The following GSTT4 variants were observed in gnomAD, a reference collection of about 807,000 sequenced individuals.
The protein encoded by GSTT4 is glutathione S-transferase theta-4.
the GSTT4 span, among the ~76,000 whole-genome samples, chr22:23,990,408 A>C: frequency 1.1e-5 from 1 of 89,246 alleles, no homozygotes; most frequent in Non-Finnish European, 2.5e-5. Flanking sequence ...TCAGGAGCTC[A>C]AGGTCAGCCT....
intron 2 of GSTT4, among the ~76,000 whole-genome samples, chr22:24,002,123 GAC>G (rs2146231629): frequency 6.6e-6 from 1 of 152,412 alleles, no homozygotes. Flanking sequence ...GGCAGCCAGA[GAC>G]ACTGTGGAGT....
downstream of GSTT4, among the ~76,000 whole-genome samples, chr22:23,994,062 A>G (rs1453372717): frequency 1.3e-5 from 2 of 152,216 alleles, no homozygotes; most frequent in Non-Finnish European, 2.9e-5. Flanking sequence ...GTCTTACTCC[A>G]AGATGGCCAA....
the GSTT4 span, among the ~76,000 whole-genome samples, chr22:23,992,052 C>CAAAAAA: frequency 2.2e-4 from 16 of 71,198 alleles, 1 homozygote; most frequent in Admixed American, 3.7e-4. Context: ...TACTCCGTCT[C>CAAAAAA]AAAAAAAAAA....
intron 4 of GSTT4, 119 bp from the exon 5 acceptor site, chr22:23,998,858 A>AC (rs2034164587): frequency 6.5e-6 from 1 of 153,290 alleles, no homozygotes; most frequent in African/African-American, 2.4e-5. Flanking sequence ...TAGGCTGCTG[A>AC]CCCCCAAGGC....
At chr22:23,992,795 A>G in the GSTT4 span, among the ~76,000 whole-genome samples, 1 of 103,920 alleles carries the variant, frequency 9.6e-6, no homozygotes, top group Non-Finnish European at 2.0e-5. Flanking sequence ...TTTTTTTTCG[A>G]GACAGGGTCT....
chr22:23,994,246 C>T (rs2034095296), downstream of GSTT4, among the ~76,000 whole-genome samples: 1 of 151,988 alleles, frequency 6.6e-6, no homozygotes, highest in African/African-American at 2.4e-5. Context: ...AATTCCCATA[C>T]CATAATATCC....
rs1462754495 is a variant in GSTT4 at position 23,998,475 on chromosome 22, T to G, written c.*67A>C. 3 of 80,210 alleles carry G rather than the reference T, an allele frequency of 3.7e-5. No individual in the cohort carries two copies. The highest frequency in any genetic ancestry group is 5.8e-5 in the Non-Finnish European group (2 of 34,268). 5.0% of individuals were successfully genotyped at this position (80,210 alleles called of 1,614,324 possible). A position where few individuals can be genotyped will look rare whatever the true frequency, so the allele number is the denominator to read the frequency against. Reference sequence around the variant, plus strand: ...TTTTTTGTTTTTTTTTTTTTAACATTTCCTTTAAGGAAGGTGGCTCAGATT... The same window carrying G: ...TTTTTTGTTTTTTTTTTTTTAACATGTCCTTTAAGGAAGGTGGCTCAGATT... On this transcript the variant is annotated 3_prime_UTR_variant, in exon 5 of 5. Coordinates refer to ENST00000621179, the MANE Select transcript of GSTT4 (RefSeq NM_001358664.2).
chr22:24,004,759 A>T (rs2034313920), intron 1 of GSTT4: 1 of 153,160 alleles, frequency 6.5e-6, no homozygotes, highest in Admixed American at 6.5e-5. Context: ...GACTGTCATT[A>T]GTGAGCACTG....
chr22:24,002,490 G>C (rs2034253871), intron 2 of GSTT4, among the ~76,000 whole-genome samples: 1 of 152,282 alleles, frequency 6.6e-6, no homozygotes, highest in South Asian at 2.1e-4. Flanking sequence ...CATGGAGAGA[G>C]CTATCGGTTA....
downstream of GSTT4, among the ~76,000 whole-genome samples, chr22:23,994,066 T>C (rs372082666): frequency 6.8e-4 from 103 of 152,334 alleles, no homozygotes; most frequent in East Asian, 6.0e-3. Context: ...TACTCCAAGA[T>C]GGCCAAATGG....
downstream of GSTT4, among the ~76,000 whole-genome samples, chr22:23,997,221 T>C (rs2034124711): frequency 1.3e-5 from 2 of 151,940 alleles, no homozygotes; most frequent in East Asian, 1.9e-4. Flanking sequence ...TCATTTTTGT[T>C]TTTGTTTGTT....
chr22:23,997,526 A>C (rs552994338), downstream of GSTT4, among the ~76,000 whole-genome samples: 1 of 143,144 alleles, frequency 7.0e-6, no homozygotes, highest in African/African-American at 2.5e-5. Context: ...CCCAGCCTCC[A>C]CTTTCTTTCT....
intron 1 of GSTT4, chr22:24,004,220 C>T (rs924820562): frequency 7.2e-5 from 11 of 153,042 alleles, no homozygotes; most frequent in East Asian, 3.8e-4. Flanking sequence ...GCAATCCCAT[C>T]GCTCTCACTC....
chr22:24,003,399 G>C (rs944608540), intron 2 of GSTT4, among the ~76,000 whole-genome samples: 1 of 37,200 alleles, frequency 2.7e-5, no homozygotes, highest in Admixed American at 3.7e-4. Flanking sequence ...TTGTAGAGAT[G>C]GGGTTTTGCC....
rs1354622532 is a variant in GSTT4, at chr22:23,998,443, TTTTTGTTTTTTTG to T, written c.*86_*98del. The T allele has an allele frequency of 7.7e-5, 2 of 26,042 alleles. No individual in the cohort carries two copies. Among genetic ancestry groups the T allele is most frequent in the East Asian group, 8.4e-4 (2 of 2,384 alleles). The allele number at this position is 26,042 out of a possible 1,614,324, so 1.6% of individuals were successfully genotyped here. On this transcript the variant is annotated 3_prime_UTR_variant, in exon 5 of 5. Transcript: ENST00000621179. The stretch of plus-strand genomic sequence containing the variant: ...CTTTATTAGGCAAAGAACAGTTGTT[TTTTTGTTTTTTTG>T]TTTTTTTTTTTTTAACATTTCCTTT...
downstream of GSTT4, among the ~76,000 whole-genome samples, chr22:23,995,359 A>C (rs532367854): frequency 2.0e-4 from 30 of 152,314 alleles, no homozygotes; most frequent in Admixed American, 3.3e-4. Context: ...ATTCAACAGA[A>C]ACCCAGTAGC....
intron 2 of GSTT4, among the ~76,000 whole-genome samples, chr22:24,002,369 G>A (rs1172222283): frequency 2.6e-5 from 4 of 152,268 alleles, no homozygotes; most frequent in African/African-American, 9.6e-5. Flanking sequence ...GACATGCTTC[G>A]GAGGGGATGT....
chr22:23,998,149 G>T (rs1271519333), downstream of GSTT4, among the ~76,000 whole-genome samples: 1 of 152,074 alleles, frequency 6.6e-6, no homozygotes, highest in South Asian at 2.1e-4. Flanking sequence ...CGGGTGGAAC[G>T]TTCTGTTCAT....
chr22:24,004,172 T>G (rs1045560423), intron 1 of GSTT4: 1 of 153,332 alleles, frequency 6.5e-6, no homozygotes, highest in Non-Finnish European at 1.5e-5. Flanking sequence ...AACACAGCCT[T>G]TGAATCACCT....
Sources: allele counts gnomAD v4.1 joint callset (sites outside exome capture counted in the v4.1 genomes callset), GRCh38; gene constraint gnomAD v4.1.1; transcripts MANE v1.5; gene names NCBI Gene and HGNC (gene_info 2026-07-23, HGNC 2026-07-21).